Variants in FAM200C observed in about 807,000 individuals in gnomAD.
At chr5:160,395,920 T>C in the FAM200C span, among the ~76,000 whole-genome samples, 2 of 152,184 alleles carry the variant, frequency 1.3e-5, no homozygotes, top group Non-Finnish European at 2.9e-5. Context: ...CCCAAAGATG[T>C]ATGCATACCC....
chr5:160,395,888 C>T, the FAM200C span, among the ~76,000 whole-genome samples: 1 of 152,176 alleles, frequency 6.6e-6, no homozygotes, highest in South Asian at 2.1e-4. Context: ...CATCTCACTA[C>T]CACCACCTTC....
At chr5:160,395,404 CTG>C in the FAM200C span, 2 of 1,614,130 alleles carry the variant, frequency 1.2e-6, no homozygotes, top group East Asian at 4.5e-5. Context: ...ACAACACACA[CTG>C]TGGACGCTGA....
At chr5:160,393,591 C>A in the FAM200C span, 6 of 812,010 alleles carry the variant, frequency 7.4e-6, no homozygotes, top group Middle Eastern at 3.0e-4. Context: ...AATTAAAGTT[C>A]TTAAGTTTTT....
At chr5:160,393,767 T>A in the FAM200C span, 1 of 1,562,658 alleles carries the variant, frequency 6.4e-7, no homozygotes, top group Non-Finnish European at 8.7e-7. Context: ...ACGAGGAACT[T>A]TTTTTGAAAT....
the FAM200C span, chr5:160,394,297 T>G: frequency 3.1e-6 from 5 of 1,613,724 alleles, no homozygotes; most frequent in Non-Finnish European, 4.2e-6. Context: ...TAGCTGATAC[T>G]GTGTTCATCC....
chr5:160,393,662 AATG>A, the FAM200C span: 149 of 1,294,300 alleles, frequency 1.2e-4, no homozygotes, highest in African/African-American at 2.0e-3. Context: ...TTAATTTTAC[AATG>A]ATATTAAGAT....
the FAM200C span, chr5:160,394,778 C>T: frequency 9.3e-6 from 15 of 1,613,812 alleles, no homozygotes; most frequent in Admixed American, 5.0e-5. Context: ...ACAAACAGAG[C>T]CACATACATC....
chr5:160,396,698 GAAAAA>G, the FAM200C span, among the ~76,000 whole-genome samples: 2 of 48,368 alleles, frequency 4.1e-5, no homozygotes, highest in Admixed American at 2.0e-4. Flanking sequence ...AGTCTCTGTG[GAAAAA>G]AAAAAAAAAA....
the FAM200C span, chr5:160,399,773 C>A: frequency 8.4e-6 from 1 of 119,570 alleles, no homozygotes; most frequent in African/African-American, 2.9e-5. Flanking sequence ...AGAACGCCAG[C>A]TGCTAGGAAA....
the FAM200C span, chr5:160,394,282 C>T: frequency 6.2e-7 from 1 of 1,613,756 alleles, no homozygotes; most frequent in Non-Finnish European, 8.5e-7. Flanking sequence ...CAGATAACTT[C>T]TCTCTAGCTG....
chr5:160,395,111 ACTATTTGTG>A, the FAM200C span: 2 of 1,613,932 alleles, frequency 1.2e-6, no homozygotes, highest in African/African-American at 2.7e-5. Flanking sequence ...TGGTCCCAAA[ACTATTTGTG>A]CTATTTCCAG....
the FAM200C span, chr5:160,395,668 G>T: frequency 3.2e-6 from 2 of 621,264 alleles, no homozygotes; most frequent in Non-Finnish European, 5.7e-6. Context: ...AGTAAGCCAT[G>T]ACAGGATATA....
the FAM200C span, among the ~76,000 whole-genome samples, chr5:160,398,846 CATG>C: frequency 6.6e-6 from 1 of 152,172 alleles, no homozygotes; most frequent in Non-Finnish European, 1.5e-5. Flanking sequence ...TAAAAAGCAT[CATG>C]ATAAGGAGAT....
chr5:160,393,502 G>C, the FAM200C span: 13 of 567,370 alleles, frequency 2.3e-5, no homozygotes, highest in Non-Finnish European at 4.0e-5. Flanking sequence ...AAAATCTCAT[G>C]ATAGCAACTA....
chr5:160,394,294 T>TA, the FAM200C span: 1 of 1,613,656 alleles, frequency 6.2e-7, no homozygotes, highest in Non-Finnish European at 8.5e-7. Flanking sequence ...CTCTAGCTGA[T>TA]ACTGTGTTCA....
chr5:160,394,275 A>T, the FAM200C span: 1 of 1,613,830 alleles, frequency 6.2e-7, no homozygotes, highest in Non-Finnish European at 8.5e-7. Flanking sequence ...ACAAAAGCAG[A>T]TAACTTCTCT....
the FAM200C span, among the ~76,000 whole-genome samples, chr5:160,399,104 T>G: frequency 6.6e-6 from 1 of 152,222 alleles, no homozygotes; most frequent in African/African-American, 2.4e-5. Context: ...TTAATGTATT[T>G]TGGAAACTTT....
At chr5:160,393,603 A>T in the FAM200C span, 1 of 878,294 alleles carries the variant, frequency 1.1e-6, no homozygotes, top group Non-Finnish European at 1.7e-6. Flanking sequence ...TAAGTTTTTT[A>T]GACATAGAAT....
At chr5:160,395,280 C>T in the FAM200C span, 1 of 1,614,114 alleles carries the variant, frequency 6.2e-7, no homozygotes, top group South Asian at 1.1e-5. Context: ...TCAGATGGTG[C>T]TGGCATATGC....
Sources: allele counts gnomAD v4.1 joint callset (sites outside exome capture counted in the v4.1 genomes callset), GRCh38; gene constraint gnomAD v4.1.1; transcripts MANE v1.5.